Variants in ILDR2 observed in about 807,000 individuals in gnomAD.
ILDR2 encodes immunoglobulin like domain containing receptor 2.
ILDR2 carries 25 observed loss-of-function variants against 66.8 expected under a neutral mutation model. That is an observed-to-expected ratio of 0.37 (90% CI 0.27 to 0.52). ILDR2 has a LOEUF of 0.52. ILDR2 is among the 20% of genes least tolerant of loss of function. The probability of loss-of-function intolerance (pLI) is 0.88; values close to 1 mark genes in which losing one functional copy is unlikely to be tolerated. For synonymous variants in ILDR2, 367 were observed against 357.2 expected, an observed-to-expected ratio of 1.03 and a Z score of -0.31; for missense variants, 827 against 876.8, an observed-to-expected ratio of 0.94 and a Z score of 0.72.
At chr1:166,898,690 T>C (rs1030041679) in intron 2 of ILDR2, among the ~76,000 whole-genome samples, 13 of 152,228 alleles carry the variant, frequency 8.5e-5, no homozygotes, top group African/African-American at 1.4e-4. Context: ...TTTACTTTTC[T>C]TAATGCCAAA....
intron 1 of ILDR2, among the ~76,000 whole-genome samples, chr1:166,969,759 G>A (rs1035925562): frequency 6.6e-6 from 1 of 152,210 alleles, no homozygotes; most frequent in East Asian, 1.9e-4. Context: ...GTTACAGTTT[G>A]ATCTACCTTA....
At chr1:166,966,221 A>G (rs1448284272) in intron 1 of ILDR2, among the ~76,000 whole-genome samples, 2 of 152,206 alleles carry the variant, frequency 1.3e-5, no homozygotes, top group African/African-American at 2.4e-5. Flanking sequence ...CTCATTCTCC[A>G]GCTTTGCCAA....
At chr1:166,974,868 A>G (rs1289618655) in intron 1 of ILDR2, among the ~76,000 whole-genome samples, 3 of 152,210 alleles carry the variant, frequency 2.0e-5, no homozygotes, top group Non-Finnish European at 4.4e-5. Flanking sequence ...CACAAGACTC[A>G]CAGCATTACA....
At chr1:166,948,623 G>C (rs951914895) in intron 3 of ILDR2, among the ~76,000 whole-genome samples, 3 of 152,146 alleles carry the variant, frequency 2.0e-5, no homozygotes, top group African/African-American at 7.2e-5. Flanking sequence ...ATTTCCACTG[G>C]GCTGATTAGG....
chr1:166,919,720 C>T (rs1292373767), intron 9 of ILDR2, among the ~76,000 whole-genome samples: 2 of 152,192 alleles, frequency 1.3e-5, no homozygotes, highest in Non-Finnish European at 2.9e-5. Flanking sequence ...ACTCATAGTA[C>T]TTTGGTTATT....
intron 3 of ILDR2, among the ~76,000 whole-genome samples, chr1:166,947,966 G>A (rs1661735924): frequency 6.6e-6 from 1 of 152,184 alleles, no homozygotes. Flanking sequence ...GCAGTGAACG[G>A]CCGCGAACGA....
chr1:166,946,345 TTC>T (rs1400893634), intron 3 of ILDR2, among the ~76,000 whole-genome samples: 1 of 152,238 alleles, frequency 6.6e-6, no homozygotes, highest in East Asian at 1.9e-4. Flanking sequence ...TACTTTTTCT[TTC>T]TGTGTCCTTT....
intron 6 of ILDR2, among the ~76,000 whole-genome samples, chr1:166,928,769 G>A (rs1042490994): frequency 2.6e-5 from 4 of 152,084 alleles, no homozygotes; most frequent in East Asian, 1.9e-4. Context: ...CAGGTGCACC[G>A]ATTTTCTATA....
rs1557921285 is a variant in ILDR2 at position 166,909,760 on chromosome 1, A to AT, written c.*9594_*9595insA. The AT allele has an allele frequency of 2.5e-3, 156 of 62,686 alleles. No individual in the cohort carries two copies. The highest frequency in any genetic ancestry group is 4.8e-3 in the African/African-American group (59 of 12,352). 3.9% of individuals were successfully genotyped at this position (62,686 alleles called of 1,614,324 possible). A position where few individuals can be genotyped will look rare whatever the true frequency, so the allele number is the denominator to read the frequency against. ...ACATATATATATATATATATATATA[A>AT]ATATATATAAATATATATATTTATA... On this transcript the variant is annotated 3_prime_UTR_variant, in exon 10 of 10. Coordinates refer to ENST00000271417, the MANE Select transcript of ILDR2 (RefSeq NM_199351.3).
At chr1:166,897,277 G>T (rs1030678134) in intron 2 of ILDR2, among the ~76,000 whole-genome samples, 1 of 152,170 alleles carries the variant, frequency 6.6e-6, no homozygotes, top group Non-Finnish European at 1.5e-5. Flanking sequence ...GGCGTGGCTT[G>T]GTAATGGGTT....
intron 1 of ILDR2, among the ~76,000 whole-genome samples, chr1:166,974,666 G>C (rs899307130): frequency 6.6e-6 from 1 of 152,100 alleles, no homozygotes; most frequent in Non-Finnish European, 1.5e-5. Flanking sequence ...ACCAGTGAAG[G>C]TTCCATCCCC....
chr1:166,969,477 C>T (rs939541568), intron 1 of ILDR2, among the ~76,000 whole-genome samples: 1 of 152,216 alleles, frequency 6.6e-6, no homozygotes, highest in Non-Finnish European at 1.5e-5. Flanking sequence ...CTGTGTGGCT[C>T]CTGAGAGCAC....
intron 1 of ILDR2, among the ~76,000 whole-genome samples, chr1:166,971,902 A>G (rs1261915485): frequency 6.6e-6 from 1 of 152,188 alleles, no homozygotes; most frequent in East Asian, 1.9e-4. Context: ...TAGACAAACA[A>G]GTGAAATCAA....
At chr1:166,960,015 C>T (rs1025457442) in intron 1 of ILDR2, among the ~76,000 whole-genome samples, 3 of 152,182 alleles carry the variant, frequency 2.0e-5, no homozygotes, top group African/African-American at 7.2e-5. Context: ...TTCACTCCCA[C>T]AGCTAAAGCA....
intron 1 of ILDR2, among the ~76,000 whole-genome samples, chr1:166,967,381 C>G (rs892777329): frequency 6.6e-6 from 1 of 150,794 alleles, no homozygotes; most frequent in African/African-American, 2.4e-5. Context: ...TTAGGCTATA[C>G]TTTAAATGGG....
intron 3 of ILDR2, 25 bp from the exon 4 acceptor site, chr1:166,939,595 G>T (rs759960090): frequency 6.2e-7 from 1 of 1,609,506 alleles, no homozygotes; most frequent in Non-Finnish European, 8.5e-7. Context: ...AGGAAAAGAA[G>T]AAGGAAAGTG....
chr1:166,974,394 T>C (rs950769749), intron 1 of ILDR2, among the ~76,000 whole-genome samples: 36 of 152,100 alleles, frequency 2.4e-4, no homozygotes, highest in South Asian at 2.1e-4. Context: ...TGTGGGGAAA[T>C]AGGTTAAGAA....
intron 3 of ILDR2, among the ~76,000 whole-genome samples, chr1:166,947,758 C>G (rs1251830301): frequency 6.6e-6 from 1 of 152,168 alleles, no homozygotes; most frequent in Non-Finnish European, 1.5e-5. Context: ...GGGGTAACCA[C>G]GGTAACCGCG....
In ILDR2 at chr1:166,912,183, C is replaced by T. The variant is rs1659487580; in HGVS notation, c.*7172G>A. 6.6e-6 allele frequency: 1 copy of T among 152,036 alleles called. No individual in the cohort carries two copies. The allele number at this position is 152,036 out of a possible 1,614,324, so 9.4% of individuals were successfully genotyped here. The stretch of plus-strand genomic sequence containing the variant: ...AAACTGGTAATTGACTTCTTAAAAG[C>T]AAAAATAAAAGTCAGAAGGGAGTGT... On this transcript the variant is annotated 3_prime_UTR_variant, in exon 10 of 10. Transcript: ENST00000271417.
Sources: gnomAD v4.1 joint callset for allele counts (sites outside exome capture counted in the v4.1 genomes callset) on GRCh38, gnomAD v4.1.1 for gene constraint, MANE v1.5 for transcripts, NCBI Gene and HGNC (gene_info 2026-07-23, HGNC 2026-07-21) for gene names.